CST11: variants seen among roughly 807,000 people sequenced by gnomAD.
The protein encoded by CST11 is cystatin 11, also known as cystatin-11.
A neutral mutation model predicts 14.0 loss-of-function variants in CST11; 13 were observed. The ratio of observed to expected loss-of-function variants is 0.93; its 90% CI spans 0.60 to 1.47. CST11 has a LOEUF of 1.47. Among genes scored for constraint, CST11 ranks in the 40% most tolerant of loss-of-function variants. The pLI, the probability that CST11 is intolerant of heterozygous loss-of-function variation, is 0.00. For missense variants in CST11, 181 were observed against 160.0 expected (o/e 1.13, Z -0.71); for synonymous variants, 64 against 57.8 (o/e 1.11, Z -0.48).
intron 2 of CST11, among the ~76,000 whole-genome samples, chr20:23,451,240 G>A (rs566608998): frequency 6.6e-6 from 1 of 152,192 alleles, no homozygotes; most frequent in Non-Finnish European, 1.5e-5. Flanking sequence ...TCCCACAGAT[G>A]GGCCAGTGCC....
chr20:23,450,719 A>G (rs1987064143), intron 2 of CST11, 130 bp from the exon 3 acceptor site: 1 of 551,434 alleles, frequency 1.8e-6, no homozygotes. Context: ...CTATTTGACC[A>G]CAAACAGAAG....
chr20:23,450,939 C>T (rs1354839731), intron 2 of CST11, among the ~76,000 whole-genome samples: 1 of 152,044 alleles, frequency 6.6e-6, no homozygotes, highest in African/African-American at 2.4e-5. Flanking sequence ...TATTCATCCA[C>T]CCATTCTTCC....
intron 1 of CST11, among the ~76,000 whole-genome samples, 168 bp from the exon 2 acceptor site, chr20:23,452,088 C>T (rs1987109195): frequency 6.6e-6 from 1 of 152,212 alleles, no homozygotes; most frequent in South Asian, 2.1e-4. Context: ...TTTGTCATTC[C>T]AAGAGAATTA....
At chr20:23,451,592 C>T (rs1987090270) in intron 2 of CST11, among the ~76,000 whole-genome samples, 1 of 152,200 alleles carries the variant, frequency 6.6e-6, no homozygotes, top group South Asian at 2.1e-4. Flanking sequence ...ACTCCTCTCT[C>T]TGGACATGTT....
At position 23,452,515 on chromosome 20, in the gene CST11, T is replaced by A. The variant is rs563352320; in HGVS notation, c.228+69A>T. 27 of 959,252 alleles carry A rather than the reference T, an allele frequency of 2.8e-5. No individual in the cohort carries two copies. In the East Asian group the frequency reaches 6.5e-4, roughly 23 times the overall value. The allele number at this position is 959,252 out of a possible 1,614,324, so 59.4% of individuals were successfully genotyped here. A position where few individuals can be genotyped will look rare whatever the true frequency, so the allele number is the denominator to read the frequency against. On this transcript the variant is annotated intron_variant, in intron 1 of 2. Transcript: ENST00000377009. ...TTGAATTTCCCTTGAGTGGGACTAT[T>A]CCTGACACCAGTGGCCACCCGATGT... is the stretch of plus-strand genomic sequence containing the variant.
intron 2 of CST11, among the ~76,000 whole-genome samples, chr20:23,450,861 C>T (rs971478707): frequency 1.3e-5 from 2 of 152,162 alleles, no homozygotes; most frequent in South Asian, 4.1e-4. Flanking sequence ...ATTCTTTTTT[C>T]CCTCTTCATT....
Position 23,452,573 on chromosome 20 carries a change from C to A in CST11, c.228+11G>T. On this transcript the variant is annotated intron_variant, in intron 1 of 2. Coordinates refer to ENST00000377009, the MANE Select transcript of CST11 (RefSeq NM_130794.2). ...TCAGGCCTGGGGAGAGGCGGGAAGT[C>A]ATACACTCACCTGCCTCTGGACTTT... 1 of 1,570,770 alleles carries A rather than the reference C, an allele frequency of 6.4e-7. No homozygotes were observed. Among genetic ancestry groups the A allele is most frequent in the South Asian group, 1.1e-5 (1 of 90,136 alleles).
Position 23,450,501 on chromosome 20 carries a change from G to A in CST11, c.*5C>T. 6.2e-7 allele frequency: 1 copy of A among 1,606,924 alleles called. No homozygotes were observed. The highest frequency in any genetic ancestry group is 8.5e-7 in the Non-Finnish European group (1 of 1,174,274). ...CAGTGGCCGCAGTTGTACACTCCAG[G>A]ACACCTAGTCACTGCTGCAGCTTTT... On this transcript the variant is annotated 3_prime_UTR_variant, in exon 3 of 3. Transcript: ENST00000377009.
rs767248934 is a variant in CST11 at position 23,451,871 on chromosome 20, G to T, written c.278C>A (p.Thr93Asn). The T allele has an allele frequency of 3.0e-5, 48 of 1,613,932 alleles. No homozygotes were observed. The Admixed American group carries it at 3.8e-4, about 13-fold the overall frequency. ...YHLNVEMQWT[T>N]CQKPETTNCV... ...GTTCGTGGTCTCTGGCTTTTGGCAG[G>T]TGGTCCACTGCATTTCCACATTCAG... Residue 93 changes from threonine (T) to asparagine (N), a missense_variant, in exon 2 of 3, where the codon ACC becomes AAC. Coordinates refer to ENST00000377009, the MANE Select transcript of CST11 (RefSeq NM_130794.2).
chr20:23,450,659 G>C, intron 2 of CST11, 70 bp from the exon 3 acceptor site: 1 of 1,174,602 alleles, frequency 8.5e-7, no homozygotes, highest in Non-Finnish European at 1.2e-6. Flanking sequence ...GGAAGAGGAT[G>C]TAAGACACGA....
rs748199241 is a variant in CST11 at position 23,452,598 on chromosome 20, T to C, written c.214A>G (p.Lys72Glu). 1.9e-6 allele frequency: 3 copies of C among 1,612,130 alleles called. No homozygotes were observed. Among genetic ancestry groups the C allele is most frequent in the Admixed American group, 1.7e-5 (1 of 60,000 alleles). The stretch of plus-strand genomic sequence containing the variant: ...CATACACTCACCTGCCTCTGGACTT[T>C]AAGGACTCGGAAGATCCTGAAGTGG... ...KYHFRIFRVL[K>E]VQRQVTDHLE... Residue 72 changes from lysine (K) to glutamate (E), a missense_variant, in exon 1 of 3, where the codon AAA becomes GAA. By Grantham distance (56) the Lys-to-Glu change is moderately conservative (BLOSUM62 1). Transcript: ENST00000377009.
At chr20:23,451,069 A>G (rs1419902787) in intron 2 of CST11, among the ~76,000 whole-genome samples, 2 of 151,836 alleles carry the variant, frequency 1.3e-5, no homozygotes, top group East Asian at 1.9e-4. Flanking sequence ...CCATCAACCC[A>G]TTCATCCATC....
intron 2 of CST11, 92 bp downstream of exon 2, chr20:23,451,724 T>G: frequency 1.1e-6 from 1 of 916,108 alleles, no homozygotes; most frequent in Admixed American, 2.1e-5. Context: ...CTTGAGTAAA[T>G]TCCAATTAAT....
Position 23,451,811 on chromosome 20 carries a change from A to C in CST11, c.333+5T>G. ...TGTCTACGTTAAAGTGCTTTTACCC[A>C]ATACCTTGTGAAGCTCCCTTTCCTG... On this transcript the variant is annotated splice_donor_5th_base_variant and intron_variant, in intron 2 of 2. Coordinates refer to ENST00000377009, the MANE Select transcript of CST11 (RefSeq NM_130794.2). 1 of 1,611,406 alleles carries C rather than the reference A, an allele frequency of 6.2e-7. No homozygotes were observed. Among genetic ancestry groups the C allele is most frequent in the Non-Finnish European group, 8.5e-7 (1 of 1,177,718 alleles).
In CST11 at chr20:23,452,729, T is replaced by G. The variant is rs1987135044; in HGVS notation, c.83A>C (p.Lys28Thr). The change falls in exon 1 of 3, where the codon AAG (lysine) becomes ACG (threonine). Residue 28 changes from lysine (K) to threonine (T), a missense_variant. Lys to Thr is a moderately conservative substitution (Grantham distance 78). Transcript: ENST00000377009. ...TTCATGGACGCTTAGAAAGGTTTTCTTCCTTGCTTGGTAGGGGAGGGCCAT... is the reference window on the plus strand; with the variant it reads ...TTCATGGACGCTTAGAAAGGTTTTCGTCCTTGCTTGGTAGGGGAGGGCCAT... ...TLMALPYQAR[K>T]KTFLSVHEVM... 6.2e-7 allele frequency: 1 copy of G among 1,614,212 alleles called. No individual in the cohort carries two copies. Among genetic ancestry groups the G allele is most frequent in the Non-Finnish European group, 8.5e-7 (1 of 1,180,022 alleles).
Position 23,451,797 on chromosome 20 carries a change from A to G in CST11, c.333+19T>C. 1 of 1,585,786 alleles carries G rather than the reference A, an allele frequency of 6.3e-7. No homozygotes were observed. On this transcript the variant is annotated intron_variant, in intron 2 of 2. Transcript: ENST00000377009. Reference sequence around the variant, plus strand: ...CTGAAAAGGACTTCTGTCTACGTTAAAGTGCTTTTACCCAATACCTTGTGA... The same window carrying G: ...CTGAAAAGGACTTCTGTCTACGTTAGAGTGCTTTTACCCAATACCTTGTGA...
rs770430472 is a variant in CST11, at chr20:23,451,849, C to T, written c.300G>A (p.Thr100=). The part of the protein sequence containing the change: ...QWTTCQKPET[T]NCVPQERELH... ...GCTCCCTTTCCTGGGGGACACAGTT[C>T]GTGGTCTCTGGCTTTTGGCAGGTGG... The change falls in exon 2 of 3, where the codon ACG becomes ACA. Residue 100 remains threonine, a synonymous_variant. Transcript: ENST00000377009. The T allele has an allele frequency of 3.0e-5, 48 of 1,613,960 alleles. No individual in the cohort carries two copies. The highest frequency in any genetic ancestry group is 5.0e-5 in the Admixed American group (3 of 60,008).
chr20:23,452,702 A>T lies in CST11; in HGVS notation c.110T>A (p.Val37Glu). The T allele has an allele frequency of 6.2e-7, 1 of 1,613,872 alleles. No homozygotes were observed. The change falls in exon 1 of 3, where the codon GTG (valine) becomes GAG (glutamate). Residue 37 changes from valine to glutamate, a missense_variant. Transcript: ENST00000377009. Reference protein sequence around the residue: ...RKKTFLSVHEVMAVENYAKDS... With the variant: ...RKKTFLSVHEEMAVENYAKDS... The stretch of plus-strand genomic sequence containing the variant: ...CTTCGCATAGTTTTCTACTGCCATC[A>T]CTTCATGGACGCTTAGAAAGGTTTT...
chr20:23,450,773 T>C (rs939319779), intron 2 of CST11, among the ~76,000 whole-genome samples, 184 bp from the exon 3 acceptor site: 1 of 152,204 alleles, frequency 6.6e-6, no homozygotes, highest in African/African-American at 2.4e-5. Context: ...ATCAAGCGGC[T>C]GAAATCAAAA....
Sources: allele counts gnomAD v4.1 joint callset (sites outside exome capture counted in the v4.1 genomes callset), GRCh38; gene constraint gnomAD v4.1.1; transcripts MANE v1.5; gene names NCBI Gene and HGNC (gene_info 2026-07-23, HGNC 2026-07-21).